Variants in NFIB observed in about 807,000 individuals in gnomAD.
NFIB encodes the protein nuclear factor I B.
A neutral mutation model predicts 61.5 loss-of-function variants in NFIB; 11 were observed. The ratio of observed to expected loss-of-function variants is 0.18; its 90% confidence interval spans 0.11 to 0.30. The LOEUF (loss-of-function observed/expected upper bound fraction) is 0.30, where lower values mean the gene tolerates loss of function less well. NFIB is among the 10% of genes least tolerant of loss of function. The pLI, the probability that NFIB is intolerant of heterozygous loss-of-function variation, is 1.00. For missense variants in NFIB, 471 were observed against 608.9 expected, an observed-to-expected ratio of 0.77 and a Z score of 2.38; for synonymous variants, 260 against 216.5, an observed-to-expected ratio of 1.20 and a Z score of -1.76.
chr9:14,136,175 C>A (rs1350161563), intron 6 of NFIB, among the ~76,000 whole-genome samples: 1 of 152,156 alleles, frequency 6.6e-6, no homozygotes, highest in African/African-American at 2.4e-5. Flanking sequence ...ATGAAAACTA[C>A]TTTTTAAAAA....
chr9:14,284,782 T>C (rs1449951285), intron 2 of NFIB, among the ~76,000 whole-genome samples: 1 of 152,216 alleles, frequency 6.6e-6, no homozygotes, highest in African/African-American at 2.4e-5. Flanking sequence ...ACCATTAATC[T>C]AGCATAGGGT....
At chr9:14,168,550 G>T (rs1019236097) in intron 3 of NFIB, among the ~76,000 whole-genome samples, 2 of 152,202 alleles carry the variant, frequency 1.3e-5, no homozygotes, top group Non-Finnish European at 2.9e-5. Flanking sequence ...GGGTCATATT[G>T]TATGTCATGC....
intron 1 of NFIB, among the ~76,000 whole-genome samples, chr9:14,354,496 C>T (rs1398693560): frequency 1.3e-5 from 2 of 152,218 alleles, no homozygotes; most frequent in African/African-American, 4.8e-5. Context: ...CAGCTATAAT[C>T]TGGCTAACAT....
At chr9:14,421,849 C>T in the NFIB span, among the ~76,000 whole-genome samples, 3 of 152,230 alleles carry the variant, frequency 2.0e-5, no homozygotes, top group Non-Finnish European at 2.9e-5. Flanking sequence ...CAGAAATCTA[C>T]AGGTATGTCA....
At chr9:14,295,494 G>A (rs932985133) in intron 2 of NFIB, among the ~76,000 whole-genome samples, 3 of 152,050 alleles carry the variant, frequency 2.0e-5, no homozygotes, top group Non-Finnish European at 2.9e-5. Context: ...AGCCGGGCGT[G>A]GGGAAGGGCG....
At chr9:14,301,484 C>T (rs931828905) in intron 2 of NFIB, among the ~76,000 whole-genome samples, 2 of 152,112 alleles carry the variant, frequency 1.3e-5, no homozygotes, top group Non-Finnish European at 2.9e-5. Flanking sequence ...TTTTACCAAC[C>T]TTTGCTGCCT....
chr9:14,395,389 T>C (rs966585596), intron 1 of NFIB, among the ~76,000 whole-genome samples: 1 of 143,940 alleles, frequency 6.9e-6, no homozygotes. Flanking sequence ...TTGAAAAAAA[T>C]AGTAGTGATT....
At chr9:14,323,627 A>T (rs1284772908) in intron 1 of NFIB, among the ~76,000 whole-genome samples, 1 of 152,196 alleles carries the variant, frequency 6.6e-6, no homozygotes, top group African/African-American at 2.4e-5. Context: ...CTGTTGAATT[A>T]TGTGATTACC....
intron 2 of NFIB, among the ~76,000 whole-genome samples, chr9:14,259,260 G>A (rs979221369): frequency 5.9e-5 from 9 of 152,326 alleles, no homozygotes; most frequent in African/African-American, 2.2e-4. Flanking sequence ...AAGAGAAAGT[G>A]AAAAGGCCTA....
chr9:14,499,656 T>C, the NFIB span, among the ~76,000 whole-genome samples: 3 of 152,154 alleles, frequency 2.0e-5, no homozygotes, highest in African/African-American at 7.2e-5. Flanking sequence ...TGAAGGGGAA[T>C]TGACGGGCCC....
chr9:14,126,346 T>C (rs1355498533), intron 6 of NFIB, among the ~76,000 whole-genome samples: 1 of 152,360 alleles, frequency 6.6e-6, no homozygotes, highest in East Asian at 1.9e-4. Context: ...CTAGGGATGC[T>C]CACTGTTGGT....
chr9:14,392,425 T>G (rs1011986552), intron 1 of NFIB, among the ~76,000 whole-genome samples: 3 of 152,202 alleles, frequency 2.0e-5, no homozygotes, highest in African/African-American at 4.8e-5. Flanking sequence ...TCTAAAACTA[T>G]TCTAACATAA....
intron 5 of NFIB, among the ~76,000 whole-genome samples, chr9:14,148,917 C>G (rs80292561): frequency 6.6e-6 from 1 of 152,142 alleles, no homozygotes; most frequent in Non-Finnish European, 1.5e-5. Context: ...AGCAGAAAAT[C>G]TGCCTGAAAA....
At chr9:14,382,886 G>C (rs770861905) in intron 1 of NFIB, among the ~76,000 whole-genome samples, 1 of 152,148 alleles carries the variant, frequency 6.6e-6, no homozygotes, top group Non-Finnish European at 1.5e-5. Flanking sequence ...GATGGTAGAA[G>C]CTTTTGCAGA....
Position 14,120,326 on chromosome 9 carries a change from G to C in NFIB, c.1245+114C>G. On this transcript the variant is annotated intron_variant, in intron 8 of 10. Coordinates refer to ENST00000380953, the MANE Select transcript of NFIB (RefSeq NM_001190737.2). The surrounding 1 kb of genome is among the most constrained non-coding windows in gnomAD (Gnocchi z 4.4). Reference sequence around the variant, plus strand: ...GTCACCAAGCAACTTCCTGAAGATGGATTTCAAGGCTTGACGTTCTGCCAG... The same window carrying C: ...GTCACCAAGCAACTTCCTGAAGATGCATTTCAAGGCTTGACGTTCTGCCAG... The C allele has an allele frequency of 8.6e-7, 1 of 1,160,298 alleles. No homozygotes were observed. The highest frequency in any genetic ancestry group is 1.3e-6 in the Non-Finnish European group (1 of 783,458). 71.9% of individuals were successfully genotyped at this position (1,160,298 alleles called of 1,614,324 possible). A position where few individuals can be genotyped will look rare whatever the true frequency, so the allele number is the denominator to read the frequency against.
chr9:14,093,564 G>C (rs976179820), intron 10 of NFIB: 1 of 152,028 alleles, frequency 6.6e-6, no homozygotes, highest in Non-Finnish European at 1.5e-5. Context: ...TTTAAAAGAA[G>C]CATTTGCCTT....
intron 1 of NFIB, among the ~76,000 whole-genome samples, chr9:14,344,940 G>T (rs1455941298): frequency 1.3e-5 from 2 of 152,130 alleles, no homozygotes; most frequent in South Asian, 2.1e-4. Flanking sequence ...AGGAAGAGGG[G>T]TGGTTGGGGC....
chr9:14,253,904 T>C (rs1176977334), intron 2 of NFIB, among the ~76,000 whole-genome samples: 1 of 152,150 alleles, frequency 6.6e-6, no homozygotes, highest in Non-Finnish European at 1.5e-5. Flanking sequence ...ACTGGATAAC[T>C]TCTTGTACAT....
At chr9:14,458,163 C>A in the NFIB span, among the ~76,000 whole-genome samples, 1 of 152,170 alleles carries the variant, frequency 6.6e-6, no homozygotes, top group South Asian at 2.1e-4. Context: ...AAAAACTTAT[C>A]CACCATGATC....
Sources: allele counts gnomAD v4.1 joint callset (sites outside exome capture counted in the v4.1 genomes callset), GRCh38; gene constraint gnomAD v4.1.1; non-coding constraint Gnocchi (gnomAD v3.1); transcripts MANE v1.5; gene names NCBI Gene and HGNC (gene_info 2026-07-23, HGNC 2026-07-21).